EIF4E3: variants seen among roughly 807,000 people sequenced by gnomAD.
EIF4E3 encodes the protein eukaryotic translation initiation factor 4E type 3.
EIF4E3 carries 26 observed loss-of-function variants against 31.7 expected under a neutral mutation model. The ratio of observed to expected loss-of-function variants is 0.82; its 90% confidence interval spans 0.60 to 1.14. EIF4E3 has a LOEUF of 1.14. EIF4E3 is among the 50% of genes most tolerant of loss of function. The pLI is 0.00. For synonymous variants in EIF4E3, 128 were observed against 107.7 expected (o/e 1.19, Z -1.17); for missense variants, 304 against 270.9 (o/e 1.12, Z -0.86).
intron 1 of EIF4E3, among the ~76,000 whole-genome samples, chr3:71,716,122 G>A (rs143303801): frequency 5.3e-4 from 80 of 152,314 alleles, no homozygotes; most frequent in Middle Eastern, 3.4e-3. Context: ...AAGCACAGAG[G>A]TGGAGGTGCA....
chr3:71,681,557 A>G lies in EIF4E3; in HGVS notation c.*3125T>C, dbSNP rs918111976. 1 of 152,270 alleles carries G rather than the reference A, an allele frequency of 6.6e-6. No individual in the cohort carries two copies. Among genetic ancestry groups the G allele is most frequent in the Admixed American group, 6.5e-5 (1 of 15,280 alleles). The allele number at this position is 152,270 out of a possible 1,614,324, so 9.4% of individuals were successfully genotyped here. On this transcript the variant is annotated 3_prime_UTR_variant, in exon 7 of 7. Coordinates refer to ENST00000425534, the MANE Select transcript of EIF4E3 (RefSeq NM_001134651.2). Reference sequence around the variant, plus strand: ...TACACCAGTGGCCAGATTGGATCAGATATTTAATGCTTGATTAGGGTGGCT... The same window carrying G: ...TACACCAGTGGCCAGATTGGATCAGGTATTTAATGCTTGATTAGGGTGGCT...
At chr3:71,694,152 T>C (rs1411261637) in intron 4 of EIF4E3, among the ~76,000 whole-genome samples, 1 of 152,210 alleles carries the variant, frequency 6.6e-6, no homozygotes, top group African/African-American at 2.4e-5. Context: ...TTTACACAGA[T>C]ACAAGTGAGC....
Position 71,682,491 on chromosome 3 carries a change from T to C in EIF4E3, c.*2191A>G, listed in dbSNP as rs542273454. The C allele has an allele frequency of 1.4e-4, 21 of 152,348 alleles. No individual in the cohort carries two copies. In the South Asian group the frequency reaches 3.9e-3, roughly 29 times the overall value. 9.4% of individuals were successfully genotyped at this position (152,348 alleles called of 1,614,324 possible). A position where few individuals can be genotyped will look rare whatever the true frequency, so the allele number is the denominator to read the frequency against. On this transcript the variant is annotated 3_prime_UTR_variant, in exon 7 of 7. Transcript: ENST00000425534. ...AAACTGATTAAATCAGCTTAGTTCA[T>C]ACAAAGTCTATTATGATTAAATATT...
At chr3:71,712,852 CAAAAAAAAAA>C (rs11403409) in intron 1 of EIF4E3, among the ~76,000 whole-genome samples, 2 of 121,236 alleles carry the variant, frequency 1.6e-5, no homozygotes, top group Non-Finnish European at 3.3e-5. Context: ...TAACCTAGAC[CAAAAAAAAAA>C]AAAAAAAAAG....
chr3:71,662,492 C>T, the EIF4E3 span, among the ~76,000 whole-genome samples: 2 of 152,286 alleles, frequency 1.3e-5, no homozygotes, highest in East Asian at 1.9e-4. Flanking sequence ...CACTTATATG[C>T]GAAAAGCATG....
chr3:71,664,166 C>T, the EIF4E3 span, among the ~76,000 whole-genome samples: 1 of 152,182 alleles, frequency 6.6e-6, no homozygotes. Flanking sequence ...AAGTCCCAGT[C>T]CACTGGCTTC....
chr3:71,664,407 T>G, the EIF4E3 span, among the ~76,000 whole-genome samples: 1 of 149,890 alleles, frequency 6.7e-6, no homozygotes, highest in African/African-American at 2.5e-5. Context: ...TGGTGGGGGG[T>G]GGGGGGAGAA....
chr3:71,723,930 T>C (rs960725429), intron 1 of EIF4E3, among the ~76,000 whole-genome samples: 3 of 152,072 alleles, frequency 2.0e-5, no homozygotes, highest in African/African-American at 7.3e-5. Flanking sequence ...TGACAATTCT[T>C]ATAGACGGGT....
At chr3:71,710,126 G>A (rs890924028) in intron 2 of EIF4E3, among the ~76,000 whole-genome samples, 1 of 152,116 alleles carries the variant, frequency 6.6e-6, no homozygotes, top group Non-Finnish European at 1.5e-5. Context: ...AAAAACCTTC[G>A]CTCTTAACCA....
chr3:71,707,815 G>A (rs1331160193), intron 2 of EIF4E3, among the ~76,000 whole-genome samples: 7 of 151,736 alleles, frequency 4.6e-5, no homozygotes, highest in African/African-American at 1.2e-4. Flanking sequence ...GAATTCTTAC[G>A]GGAGCAGTCT....
chr3:71,745,659 G>A (rs1450113841), intron 1 of EIF4E3, among the ~76,000 whole-genome samples: 1 of 152,212 alleles, frequency 6.6e-6, no homozygotes, highest in African/African-American at 2.4e-5. Flanking sequence ...ATGAAGAGAT[G>A]CTTAAGGAAT....
At chr3:71,700,995 T>C (rs2049208952) in intron 2 of EIF4E3, among the ~76,000 whole-genome samples, 1 of 151,990 alleles carries the variant, frequency 6.6e-6, no homozygotes. Flanking sequence ...CTCTGGCATG[T>C]GAAGATACAA....
downstream of EIF4E3, among the ~76,000 whole-genome samples, chr3:71,674,533 G>A (rs2048862561): frequency 2.0e-5 from 3 of 152,172 alleles, no homozygotes; most frequent in African/African-American, 7.2e-5. Flanking sequence ...TCAAGTAAAT[G>A]GGGATGATTT....
downstream of EIF4E3, among the ~76,000 whole-genome samples, chr3:71,673,929 AT>A (rs1323551314): frequency 8.0e-5 from 10 of 125,578 alleles, no homozygotes; most frequent in Admixed American, 1.8e-4. Flanking sequence ...ATATATATAT[AT>A]AAAAAACATA....
At chr3:71,673,541 G>A (rs2048856948), downstream of EIF4E3, among the ~76,000 whole-genome samples, 1 of 151,636 alleles carries the variant, frequency 6.6e-6, no homozygotes, top group Non-Finnish European at 1.5e-5. Flanking sequence ...AATCTAAGGG[G>A]TTTTTGACTT....
Position 71,690,044 on chromosome 3 carries a change from C to A in EIF4E3, c.594G>T (p.Leu198=). 1 of 1,613,030 alleles carries A rather than the reference C, an allele frequency of 6.2e-7. No homozygotes were observed. Among genetic ancestry groups the A allele is most frequent in the Non-Finnish European group, 8.5e-7 (1 of 1,179,568 alleles). ...ATVLEKIYEL[L]PHITFKAVFY... ...ATACTGCTTTAAAAGTTATGTGGGG[C>A]AGAAGTTCATAGATCTTTTCTAAAA... Residue 198 remains leucine (L), a synonymous_variant, in exon 6 of 7, where the codon CTG becomes CTT. Transcript: ENST00000425534.
upstream of EIF4E3, chr3:71,754,550 G>C: frequency 7.4e-7 from 1 of 1,357,914 alleles, no homozygotes; most frequent in South Asian, 1.6e-5. This position sits in a 1 kb window ranked among gnomAD's most constrained non-coding sequence, Gnocchi z 5.8. Flanking sequence ...GCGACGACGA[G>C]GACGCGCCGT....
At chr3:71,664,830 A>C in the EIF4E3 span, among the ~76,000 whole-genome samples, 7 of 152,132 alleles carry the variant, frequency 4.6e-5, no homozygotes, top group African/African-American at 7.2e-5. Context: ...AGCTGAGATC[A>C]CACCACTGCA....
rs2108006145 is a variant in EIF4E3 at position 71,684,515 on chromosome 3, C to T, written c.*167G>A. 1 of 587,662 alleles carries T rather than the reference C, an allele frequency of 1.7e-6. No homozygotes were observed. 36.4% of individuals were successfully genotyped at this position (587,662 alleles called of 1,614,324 possible). The stretch of plus-strand genomic sequence containing the variant: ...ACGGTAGAAACCCACACAATCTCCC[C>T]CCACCCCACCTGCCACTTTGAGTCC... On this transcript the variant is annotated 3_prime_UTR_variant, in exon 7 of 7. Coordinates refer to ENST00000425534, the MANE Select transcript of EIF4E3 (RefSeq NM_001134651.2).
Sources: gnomAD v4.1 joint callset for allele counts (sites outside exome capture counted in the v4.1 genomes callset) on GRCh38, gnomAD v4.1.1 for gene constraint, Gnocchi (gnomAD v3.1) non-coding constraint, MANE v1.5 for transcripts, NCBI Gene and HGNC (gene_info 2026-07-23, HGNC 2026-07-21) for gene names.